Variants in ABCB11 observed in about 807,000 individuals in gnomAD.
ABCB11 encodes bile salt export pump.
ABCB11 carries 95 observed loss-of-function variants against 148.0 expected under a neutral mutation model. The observed-to-expected ratio is 0.64, with a 90% CI of 0.54 to 0.76. ABCB11 has a LOEUF of 0.76. Ranked by LOEUF, ABCB11 falls within the 30% of genes least tolerant of loss-of-function variation. The probability of loss-of-function intolerance (pLI) is 0.00; values close to 1 mark genes in which losing one functional copy is unlikely to be tolerated. For synonymous variants in ABCB11, 591 were observed against 555.4 expected (o/e 1.06, Z -0.90); for missense variants, 1,523 against 1,617.8 (o/e 0.94, Z 1.01).
At chr2:168,934,634 T>G (rs1401387573) in intron 23 of ABCB11, among the ~76,000 whole-genome samples, 1 of 152,192 alleles carries the variant, frequency 6.6e-6, no homozygotes, top group Admixed American at 6.5e-5. Flanking sequence ...CAGTTCTCTA[T>G]GAACCATCTT....
chr2:168,935,924 C>T (rs1691798833), intron 22 of ABCB11, among the ~76,000 whole-genome samples: 1 of 152,160 alleles, frequency 6.6e-6, no homozygotes. Flanking sequence ...ACTGAACTAT[C>T]CACCCCTGCA....
At chr2:168,916,184 G>A (rs911720593), downstream of ABCB11, among the ~76,000 whole-genome samples, 3 of 152,050 alleles carry the variant, frequency 2.0e-5, no homozygotes, top group Non-Finnish European at 4.4e-5. Flanking sequence ...TATCTTTTTT[G>A]GTAATCTTGT....
intron 3 of ABCB11, among the ~76,000 whole-genome samples, chr2:169,016,241 A>G (rs577978688): frequency 6.6e-6 from 1 of 152,166 alleles, no homozygotes; most frequent in East Asian, 1.9e-4. Flanking sequence ...AATTACTTAA[A>G]ATTTCTAAAA....
rs1372852533 is a variant in ABCB11, at chr2:168,930,825, T to G, written c.3251A>C (p.Lys1084Thr). The G allele has an allele frequency of 7.5e-6, 12 of 1,609,816 alleles. No individual in the cohort carries two copies. The highest frequency in any genetic ancestry group is 1.0e-5 in the Non-Finnish European group (12 of 1,178,104). Residue 1084 changes from lysine to threonine, a missense_variant, in exon 25 of 28, where the codon AAA becomes ACA. Lys to Thr is a moderately conservative substitution (Grantham distance 78, BLOSUM62 -1). Coordinates refer to ENST00000650372, the MANE Select transcript of ABCB11 (RefSeq NM_003742.4). Reference sequence around the variant, plus strand: ...GTCAGGTCGAGAAGGATATGTAAATTTACAATCAACAAAATCAATCTTCCC... The same window carrying G: ...GTCAGGTCGAGAAGGATATGTAAATGTACAATCAACAAAATCAATCTTCCC... Reference protein sequence around the residue: ...FQGKIDFVDCKFTYPSRPDSQ... With the variant: ...FQGKIDFVDCTFTYPSRPDSQ...
chr2:168,987,882 C>T (rs1694377783), intron 9 of ABCB11, among the ~76,000 whole-genome samples: 2 of 151,954 alleles, frequency 1.3e-5, no homozygotes, highest in Non-Finnish European at 2.9e-5. Flanking sequence ...TTTTAATTGA[C>T]AAAACTTACA....
chr2:169,026,307 CT>C (rs1318167418), intron 1 of ABCB11, among the ~76,000 whole-genome samples: 1 of 152,144 alleles, frequency 6.6e-6, no homozygotes, highest in Admixed American at 6.5e-5. Context: ...GTCCACTGTT[CT>C]TTTTTGACAT....
intron 17 of ABCB11, among the ~76,000 whole-genome samples, chr2:168,965,278 T>C (rs1177907689): frequency 2.0e-5 from 3 of 151,774 alleles, no homozygotes; most frequent in Middle Eastern, 3.4e-3. Flanking sequence ...TGGGAAGTGA[T>C]TGGTTCAGAC....
chr2:168,931,973 C>T (rs549368850), intron 24 of ABCB11, among the ~76,000 whole-genome samples: 7 of 152,114 alleles, frequency 4.6e-5, no homozygotes, highest in African/African-American at 7.2e-5. Flanking sequence ...ATACGCACAA[C>T]CTTACCCCTC....
At position 169,011,114 on chromosome 2, in the gene ABCB11, C is replaced by A. The variant is rs1329049412; in HGVS notation, c.389+2158G>T. On this transcript the variant is annotated intron_variant, in intron 5 of 27. Transcript: ENST00000650372. ...TTGAAAGTAGATTCATTCTTTAATT[C>A]ATTGGATAAATATTCATAAGCACCT... 2.6e-5 allele frequency among the ~76,000 whole-genome samples: 4 copies of A among 152,248 alleles called. No homozygotes were observed. In the East Asian group the frequency reaches 5.8e-4, roughly 22 times the overall value.
At chr2:168,982,503 CT>C (rs1694165994) in intron 10 of ABCB11, among the ~76,000 whole-genome samples, 1 of 152,126 alleles carries the variant, frequency 6.6e-6, no homozygotes, top group Admixed American at 6.6e-5. Context: ...GAACAACCTT[CT>C]GCACCATTCA....
In ABCB11 at chr2:168,970,158, T is replaced by G. The variant is rs763391770; in HGVS notation, c.1696A>C (p.Arg566=). 10 of 1,612,720 alleles carry G rather than the reference T, an allele frequency of 6.2e-6. No individual in the cohort carries two copies. Among genetic ancestry groups the G allele is most frequent in the Non-Finnish European group, 5.9e-6 (7 of 1,179,282 alleles). The change falls in exon 15 of 28, where the codon AGG becomes CGG. Residue 566 remains arginine (R), a synonymous_variant. Coordinates refer to ENST00000650372, the MANE Select transcript of ABCB11 (RefSeq NM_003742.4). ...GGQMSGGQKQ[R]VAIARALIRN... ...ATGAGGGCTCTGGCGATAGCTACCC[T>G]TTGTTTCTGGCCACCACTCATCTGG...
intron 11 of ABCB11, 25 bp downstream of exon 11, chr2:168,979,841 G>T (rs372094270): frequency 6.9e-7 from 1 of 1,445,534 alleles, no homozygotes; most frequent in Non-Finnish European, 9.6e-7. Context: ...CCTGTTAATG[G>T]CCTTTACTTT....
chr2:168,963,628 T>C (rs1574438490), intron 18 of ABCB11, among the ~76,000 whole-genome samples: 1 of 151,804 alleles, frequency 6.6e-6, no homozygotes, highest in Non-Finnish European at 1.5e-5. Context: ...CCTTGAATTA[T>C]GTTAAAATTG....
intron 13 of ABCB11, among the ~76,000 whole-genome samples, chr2:168,972,927 A>ATGGGCCTATGTACCTTTGGGGGTCATTG (rs1420724328): frequency 6.6e-6 from 1 of 152,018 alleles, no homozygotes; most frequent in Non-Finnish European, 1.5e-5. Context: ...TGTTTGTCAA[A>ATGGGCCTATGTACCTTTGGGGGTCATTG]TGGGCCTATG....
chr2:169,023,367 C>T (rs1293114827), intron 1 of ABCB11, among the ~76,000 whole-genome samples: 1 of 152,166 alleles, frequency 6.6e-6, no homozygotes, highest in African/African-American at 2.4e-5. Context: ...CAGATAAGGG[C>T]ACTAAAGTAT....
intron 17 of ABCB11, among the ~76,000 whole-genome samples, chr2:168,967,872 A>G (rs576403344): frequency 6.6e-6 from 1 of 152,078 alleles, no homozygotes; most frequent in Non-Finnish European, 1.5e-5. Context: ...GAAAGTAAAC[A>G]GCTTTATATT....
intron 9 of ABCB11, among the ~76,000 whole-genome samples, chr2:168,989,996 T>C (rs914923957): frequency 2.4e-4 from 37 of 152,154 alleles, no homozygotes; most frequent in African/African-American, 8.9e-4. Context: ...TAATGTGCTA[T>C]TCAATTTGGT....
intron 1 of ABCB11, among the ~76,000 whole-genome samples, chr2:169,029,757 G>T (rs1166880941): frequency 3.5e-5 from 3 of 86,660 alleles, no homozygotes; most frequent in African/African-American, 2.0e-4. Context: ...TTTTTTGAGA[G>T]GAGTCTCGCT....
chr2:168,990,245 T>C (rs557885563), intron 9 of ABCB11, among the ~76,000 whole-genome samples: 23 of 152,240 alleles, frequency 1.5e-4, no homozygotes, highest in African/African-American at 5.5e-4. Context: ...GGGCTTTTCT[T>C]TCATGGGAGA....
Sources: gnomAD v4.1 joint callset for allele counts (sites outside exome capture counted in the v4.1 genomes callset) on GRCh38, gnomAD v4.1.1 for gene constraint, MANE v1.5 for transcripts, NCBI Gene and HGNC (gene_info 2026-07-23, HGNC 2026-07-21) for gene names.